The following GRIN2A variants were observed in gnomAD, a reference collection of about 807,000 sequenced individuals.
The protein encoded by GRIN2A is glutamate receptor ionotropic, NMDA 2A.
Under a neutral mutation model 113.4 loss-of-function variants are expected in GRIN2A, and 22 were observed. That is an observed-to-expected ratio of 0.19 (90% CI 0.14 to 0.28). The LOEUF is 0.28. Ranked by LOEUF, GRIN2A falls within the 10% of genes least tolerant of loss-of-function variation. The probability of loss-of-function intolerance (pLI) is 1.00; values close to 1 mark genes in which losing one functional copy is unlikely to be tolerated. For missense variants in GRIN2A, 1,502 were observed against 1,887.0 expected, an observed-to-expected ratio of 0.80 and a Z score of 3.78; for synonymous variants, 827 against 738.4, an observed-to-expected ratio of 1.12 and a Z score of -1.94.
Position 10,108,731 on chromosome 16 carries a change from A to G in GRIN2A, c.414+71267T>C, listed in dbSNP as rs190173548. ...TGCTAGCATACTTGGAAACCACCAT[A>G]TATGTTCTTGGAAATTCACCAAGCA... On this transcript the variant is annotated intron_variant, in intron 2 of 12. Transcript: ENST00000330684. Among the ~76,000 whole-genome samples, 169 of 152,304 alleles carry G rather than the reference A, an allele frequency of 1.1e-3. 2 individuals carry two copies. The highest frequency in any genetic ancestry group is 3.4e-3 in the Middle Eastern group (1 of 294).
chr16:9,952,315 T>G (rs2045204196), intron 2 of GRIN2A, among the ~76,000 whole-genome samples: 1 of 151,998 alleles, frequency 6.6e-6, no homozygotes, highest in Non-Finnish European at 1.5e-5. Flanking sequence ...TCCTTGTAGA[T>G]GGAGGGCAAC....
At chr16:10,136,945 A>T (rs1000607429) in intron 2 of GRIN2A, among the ~76,000 whole-genome samples, 1 of 152,228 alleles carries the variant, frequency 6.6e-6, no homozygotes, top group Non-Finnish European at 1.5e-5. Flanking sequence ...GTAAATTTTA[A>T]ATTAAGTGAC....
chr16:9,993,854 C>T (rs770115807), intron 2 of GRIN2A, among the ~76,000 whole-genome samples: 26 of 152,278 alleles, frequency 1.7e-4, no homozygotes, highest in African/African-American at 5.1e-4. Context: ...TCAGGACAGG[C>T]GGCTCATGTG....
rs1567282321 is a variant in GRIN2A at position 9,768,833 on chromosome 16, GCCACCC to G, written c.2595+12_2595+17del. ...AACCTGCTTGCAGTGCAAGAAAGTAGCCACCCGGTGTACTGACCCTGCTGATGGAGA... is the reference window on the plus strand; with the variant it reads ...AACCTGCTTGCAGTGCAAGAAAGTAGGGTGTACTGACCCTGCTGATGGAGA... On this transcript the variant is annotated intron_variant, in intron 12 of 12. Transcript: ENST00000330684. The G allele has an allele frequency of 6.4e-7, 1 of 1,568,248 alleles. No homozygotes were observed.
At chr16:10,095,927 A>C (rs75068397) in intron 2 of GRIN2A, among the ~76,000 whole-genome samples, 1 of 152,348 alleles carries the variant, frequency 6.6e-6, no homozygotes, top group East Asian at 1.9e-4. Context: ...AATCTGAATA[A>C]AGAGAATATA....
intron 2 of GRIN2A, among the ~76,000 whole-genome samples, chr16:9,959,583 C>A (rs2045389243): frequency 1.3e-5 from 2 of 152,228 alleles, no homozygotes; most frequent in Admixed American, 1.3e-4. Context: ...AGTCGCCGTT[C>A]TGACTTAGTA....
intron 12 of GRIN2A, among the ~76,000 whole-genome samples, chr16:9,766,655 T>G (rs1900938879): frequency 6.6e-6 from 1 of 152,146 alleles, no homozygotes; most frequent in Non-Finnish European, 1.5e-5. Context: ...ATCCAGACTG[T>G]GGATGTGGAA....
intron 2 of GRIN2A, among the ~76,000 whole-genome samples, chr16:10,079,783 C>T (rs2047943884): frequency 6.6e-6 from 1 of 152,066 alleles, no homozygotes; most frequent in Non-Finnish European, 1.5e-5. Context: ...CTATAGCAGC[C>T]CAAACAGACT....
chr16:9,880,053 G>A (rs932280527), intron 4 of GRIN2A, among the ~76,000 whole-genome samples: 1 of 152,168 alleles, frequency 6.6e-6, no homozygotes, highest in Non-Finnish European at 1.5e-5. Context: ...TGATCTCACA[G>A]TTCTGCAGGT....
At chr16:9,854,703 G>C (rs1428602911) in intron 4 of GRIN2A, among the ~76,000 whole-genome samples, 1 of 152,054 alleles carries the variant, frequency 6.6e-6, no homozygotes, top group African/African-American at 2.4e-5. Context: ...ACTCAGCTGA[G>C]TCTGTAACTT....
At chr16:9,787,511 G>C (rs1286318190) in intron 11 of GRIN2A, among the ~76,000 whole-genome samples, 1 of 152,168 alleles carries the variant, frequency 6.6e-6, no homozygotes, top group Non-Finnish European at 1.5e-5. Flanking sequence ...AAACCAGGCT[G>C]TAGCCCAACC....
intron 2 of GRIN2A, among the ~76,000 whole-genome samples, chr16:10,043,133 G>A (rs1374139120): frequency 1.3e-5 from 2 of 152,172 alleles, no homozygotes. Flanking sequence ...ACATTTGGTA[G>A]TATCTTAGAC....
intron 2 of GRIN2A, among the ~76,000 whole-genome samples, chr16:10,114,222 A>G (rs2048682911): frequency 6.6e-6 from 1 of 152,178 alleles, no homozygotes; most frequent in Non-Finnish European, 1.5e-5. Context: ...TAAATTTTAA[A>G]AAACAAATCC....
rs966786599 is a variant in GRIN2A at position 9,834,346 on chromosome 16, T to G, written c.1652-116A>C. ...CCAAAAATATTTTCTCTAATTTGAA[T>G]CTGATCCTTCAAAAGAAGCTAATCA... is the stretch of plus-strand genomic sequence containing the variant. On this transcript the variant is annotated intron_variant, in intron 7 of 12. Transcript: ENST00000330684. 2.0e-5 allele frequency: 18 copies of G among 905,812 alleles called. No homozygotes were observed. In the African/African-American group the frequency reaches 3.0e-4, roughly 15 times the overall value. 56.1% of individuals were successfully genotyped at this position (905,812 alleles called of 1,614,324 possible). A position where few individuals can be genotyped will look rare whatever the true frequency, so the allele number is the denominator to read the frequency against.
intron 2 of GRIN2A, among the ~76,000 whole-genome samples, chr16:10,109,907 T>G (rs779902264): frequency 1.1e-4 from 16 of 151,974 alleles, no homozygotes; most frequent in Non-Finnish European, 1.8e-4. Context: ...TTTTTAATTT[T>G]ATTATTATTA....
intron 2 of GRIN2A, among the ~76,000 whole-genome samples, chr16:10,138,217 C>G (rs1324275762): frequency 6.6e-6 from 1 of 152,194 alleles, no homozygotes; most frequent in Non-Finnish European, 1.5e-5. Context: ...ACTGAAGACT[C>G]AGAAGTCAGA....
intron 3 of GRIN2A, among the ~76,000 whole-genome samples, chr16:9,901,294 G>C (rs986617317): frequency 8.5e-5 from 13 of 152,072 alleles, no homozygotes; most frequent in African/African-American, 2.4e-4. Context: ...TGTCCAGTGG[G>C]TGTCTACCTG....
intron 3 of GRIN2A, among the ~76,000 whole-genome samples, chr16:9,926,089 A>T (rs1169597004): frequency 6.6e-6 from 1 of 152,304 alleles, no homozygotes; most frequent in South Asian, 2.1e-4. Flanking sequence ...CAACCTTAAA[A>T]TAACATCTAC....
chr16:10,085,777 G>A (rs11864588), intron 2 of GRIN2A, among the ~76,000 whole-genome samples: 5,687 of 152,250 alleles, frequency 0.037, 356 homozygotes, highest in African/African-American at 0.13. Flanking sequence ...GTCTGGTTAT[G>A]GCTAGGAACT....
Sources: allele counts gnomAD v4.1 joint callset (sites outside exome capture counted in the v4.1 genomes callset), GRCh38; gene constraint gnomAD v4.1.1; transcripts MANE v1.5; gene names NCBI Gene and HGNC (gene_info 2026-07-23, HGNC 2026-07-21).